Variants in TMEM132B observed in about 807,000 individuals in gnomAD.
The protein encoded by TMEM132B is transmembrane protein 132B.
A neutral mutation model predicts 90.8 loss-of-function variants in TMEM132B; 18 were observed. That is an observed-to-expected ratio of 0.20 (90% CI 0.14 to 0.29). The LOEUF (loss-of-function observed/expected upper bound fraction) is 0.29. TMEM132B is among the 10% of genes least tolerant of loss of function. The probability of loss-of-function intolerance (pLI) is 1.00; values close to 1 mark genes in which losing one functional copy is unlikely to be tolerated. For synonymous variants in TMEM132B, 504 were observed against 523.3 expected, an observed-to-expected ratio of 0.96 and a Z score of 0.50; for missense variants, 1,096 against 1,326.8, an observed-to-expected ratio of 0.83 and a Z score of 2.70.
intron 1 of TMEM132B, among the ~76,000 whole-genome samples, chr12:125,219,737 G>C (rs765661376): frequency 6.6e-6 from 1 of 152,202 alleles, no homozygotes; most frequent in Non-Finnish European, 1.5e-5. Flanking sequence ...GATTTTACCA[G>C]CCAGCCCTGG....
At chr12:125,286,794 C>G (rs984017641) in intron 1 of TMEM132B, among the ~76,000 whole-genome samples, 11 of 151,962 alleles carry the variant, frequency 7.2e-5, no homozygotes, top group Non-Finnish European at 1.5e-4. Context: ...ACCTCTGCCT[C>G]CTGGGTTTAA....
chr12:125,372,397 C>G (rs1050141277), intron 2 of TMEM132B, among the ~76,000 whole-genome samples: 1 of 152,222 alleles, frequency 6.6e-6, no homozygotes, highest in Non-Finnish European at 1.5e-5. Context: ...TCTTCACTTA[C>G]AGCAATGCAG....
At chr12:125,340,099 G>A (rs1877128832) in intron 1 of TMEM132B, among the ~76,000 whole-genome samples, 1 of 152,174 alleles carries the variant, frequency 6.6e-6, no homozygotes, top group African/African-American at 2.4e-5. Flanking sequence ...GGCAGAGAGA[G>A]AAATTATACA....
At chr12:125,328,107 C>T (rs1213479634) in intron 1 of TMEM132B, among the ~76,000 whole-genome samples, 3 of 152,198 alleles carry the variant, frequency 2.0e-5, no homozygotes, top group Non-Finnish European at 2.9e-5. Flanking sequence ...GTCCATTCTC[C>T]GTAATAGCAG....
At chr12:125,538,952 C>T (rs2136719841) in intron 4 of TMEM132B, among the ~76,000 whole-genome samples, 1 of 152,270 alleles carries the variant, frequency 6.6e-6, no homozygotes, top group Non-Finnish European at 1.5e-5. Context: ...AGAGTTCAAC[C>T]ATTCACTCCG....
At chr12:125,629,545 CTT>C (rs1223804863) in intron 5 of TMEM132B, among the ~76,000 whole-genome samples, 1 of 151,986 alleles carries the variant, frequency 6.6e-6, no homozygotes, top group Non-Finnish European at 1.5e-5. Flanking sequence ...TTGGTGGAGT[CTT>C]TAAGTTTTTC....
At chr12:125,298,239 G>GA (rs1875719445) in intron 1 of TMEM132B, among the ~76,000 whole-genome samples, 1 of 151,992 alleles carries the variant, frequency 6.6e-6, no homozygotes. Context: ...GACAGAGTGA[G>GA]ACCCTGTCTC....
At chr12:125,233,600 C>T (rs1038909607) in intron 1 of TMEM132B, among the ~76,000 whole-genome samples, 7 of 152,218 alleles carry the variant, frequency 4.6e-5, no homozygotes, top group African/African-American at 1.7e-4. Context: ...TCAGCTGCCT[C>T]AAATAAACTT....
At chr12:125,278,599 T>C (rs756837294) in intron 1 of TMEM132B, among the ~76,000 whole-genome samples, 2 of 151,980 alleles carry the variant, frequency 1.3e-5, no homozygotes, top group Non-Finnish European at 2.9e-5. Flanking sequence ...GTATTGAGCA[T>C]TGAGCTTCTT....
At chr12:125,612,721 T>C (rs1885866588) in intron 5 of TMEM132B, among the ~76,000 whole-genome samples, 2 of 143,450 alleles carry the variant, frequency 1.4e-5, no homozygotes, top group Non-Finnish European at 3.0e-5. Context: ...GGCTTTCTTA[T>C]GGTTGTTATT....
intron 3 of TMEM132B, among the ~76,000 whole-genome samples, chr12:125,475,064 C>G (rs1449171115): frequency 6.6e-6 from 1 of 152,118 alleles, no homozygotes; most frequent in East Asian, 1.9e-4. Context: ...TAAGGAGAAT[C>G]AGGTGCTGTA....
intron 3 of TMEM132B, among the ~76,000 whole-genome samples, chr12:125,442,310 A>ATAGTTATTCC (rs113416846): frequency 6.6e-6 from 1 of 151,576 alleles, no homozygotes; most frequent in African/African-American, 2.4e-5. Context: ...GCTAGTGACC[A>ATAGTTATTCC]TAGGATCAGG....
At chr12:125,502,590 G>A (rs566129517) in intron 3 of TMEM132B, among the ~76,000 whole-genome samples, 21 of 152,240 alleles carry the variant, frequency 1.4e-4, no homozygotes, top group Non-Finnish European at 2.6e-4. Flanking sequence ...GTACTCTCGC[G>A]TGTTCAGAAA....
At chr12:125,649,123 T>A (rs963133318) in intron 6 of TMEM132B, among the ~76,000 whole-genome samples, 2 of 152,254 alleles carry the variant, frequency 1.3e-5, no homozygotes, top group African/African-American at 4.8e-5. Flanking sequence ...ACTCATTTCT[T>A]ACTTTGGGAA....
In TMEM132B at chr12:125,584,020, T is replaced by G. The variant is rs766920996; in HGVS notation, c.1437+26T>G. On this transcript the variant is annotated intron_variant, in intron 5 of 8. Coordinates refer to ENST00000682704, the MANE Select transcript of TMEM132B (RefSeq NM_001366854.1). ...GTAAGGGGGGATTTATCTACAGCTG[T>G]CCTAAGTGCTCAGAGCTTTTTGTCG... is the stretch of plus-strand genomic sequence containing the variant. 3 of 1,613,970 alleles carry G rather than the reference T, an allele frequency of 1.9e-6. No individual in the cohort carries two copies. In the South Asian group the frequency reaches 3.3e-5, roughly 18 times the overall value.
At chr12:125,375,674 A>G (rs1878455317) in intron 2 of TMEM132B, among the ~76,000 whole-genome samples, 1 of 152,246 alleles carries the variant, frequency 6.6e-6, no homozygotes, top group African/African-American at 2.4e-5. Flanking sequence ...TGTCACACCC[A>G]GGTAGAAAGT....
chr12:125,351,211 C>T (rs1336984793), intron 2 of TMEM132B, among the ~76,000 whole-genome samples: 3 of 152,190 alleles, frequency 2.0e-5, no homozygotes, highest in African/African-American at 7.2e-5. Flanking sequence ...TCTGCTGTTG[C>T]AGCATGCAAG....
intron 3 of TMEM132B, among the ~76,000 whole-genome samples, chr12:125,442,819 G>A (rs966491263): frequency 7.2e-5 from 11 of 152,208 alleles, no homozygotes; most frequent in Non-Finnish European, 1.5e-5. Flanking sequence ...GCATATCTTT[G>A]TGTGACATAT....
At position 125,661,222 on chromosome 12, in the gene TMEM132B, T is replaced by G. The variant is rs1257913617; in HGVS notation, c.*6512T>G. The G allele has an allele frequency of 6.6e-6, 1 of 152,238 alleles. No homozygotes were observed. 9.4% of individuals were successfully genotyped at this position (152,238 alleles called of 1,614,324 possible). A position where few individuals can be genotyped will look rare whatever the true frequency, so the allele number is the denominator to read the frequency against. Reference sequence around the variant, plus strand: ...ATGATATAGTTATTTCACTTAGAGATGCTTCCTCAAAGAGCGTGCCTTTTT... The same window carrying G: ...ATGATATAGTTATTTCACTTAGAGAGGCTTCCTCAAAGAGCGTGCCTTTTT... On this transcript the variant is annotated 3_prime_UTR_variant, in exon 9 of 9. Coordinates refer to ENST00000682704, the MANE Select transcript of TMEM132B (RefSeq NM_001366854.1).
Sources: allele counts gnomAD v4.1 joint callset (sites outside exome capture counted in the v4.1 genomes callset), GRCh38; gene constraint gnomAD v4.1.1; transcripts MANE v1.5; gene names NCBI Gene and HGNC (gene_info 2026-07-23, HGNC 2026-07-21).